TMEM182: variants seen among roughly 807,000 people sequenced by gnomAD.
TMEM182 encodes transmembrane protein 182.
Under a neutral mutation model 26.8 loss-of-function variants are expected in TMEM182, and 20 were observed. The observed-to-expected ratio is 0.75, with a 90% CI of 0.53 to 1.09. The LOEUF is 1.09. TMEM182 is among the 50% of genes least tolerant of loss of function. TMEM182 has a pLI of 0.00. For missense variants in TMEM182, 277 were observed against 275.5 expected (o/e 1.01, Z -0.04); for synonymous variants, 109 against 102.2 (o/e 1.07, Z -0.40).
rs990174384 is a variant in TMEM182 at position 102,829,038 on chromosome 2, G to A, written c.326-14374G>A. On this transcript the variant is annotated intron_variant, in intron 3 of 3. Transcript: ENST00000486293. Reference sequence around the variant, plus strand: ...TTCATTTAAGTGGTTGGAACAGAGCGGAAGTTAGCAAATATTCTGGGTTCC... The same window carrying A: ...TTCATTTAAGTGGTTGGAACAGAGCAGAAGTTAGCAAATATTCTGGGTTCC... Among the ~76,000 whole-genome samples, 13 of 152,298 alleles carry A rather than the reference G, an allele frequency of 8.5e-5. 1 individual carries two copies. Among genetic ancestry groups the A allele is most frequent in the Middle Eastern group, 3.4e-3 (1 of 294 alleles).
At chr2:102,793,738 A>G (rs1378339049) in intron 3 of TMEM182, among the ~76,000 whole-genome samples, 1 of 152,092 alleles carries the variant, frequency 6.6e-6, no homozygotes, top group Non-Finnish European at 1.5e-5. Flanking sequence ...TGTTGTATTG[A>G]CATTTTTTGT....
At chr2:102,820,438 G>A (rs1682896640), downstream of TMEM182, among the ~76,000 whole-genome samples, 1 of 152,160 alleles carries the variant, frequency 6.6e-6, no homozygotes, top group African/African-American at 2.4e-5. Flanking sequence ...GAACAGACAA[G>A]TGAGAAAAAT....
At chr2:102,835,624 T>A (rs918987218) in intron 3 of TMEM182, among the ~76,000 whole-genome samples, 1 of 152,164 alleles carries the variant, frequency 6.6e-6, no homozygotes, top group Admixed American at 6.5e-5. Context: ...ACCCAACCCC[T>A]GAAAACCACG....
chr2:102,832,992 G>A (rs932396240), intron 3 of TMEM182, among the ~76,000 whole-genome samples: 5 of 152,076 alleles, frequency 3.3e-5, no homozygotes, highest in African/African-American at 1.2e-4. Flanking sequence ...AATACATCCC[G>A]GAGCTTAATT....
At chr2:102,740,486 C>T (rs1679511950) in intron 1 of TMEM182, among the ~76,000 whole-genome samples, 1 of 152,162 alleles carries the variant, frequency 6.6e-6, no homozygotes, top group African/African-American at 2.4e-5. Flanking sequence ...TTCCTGAGGC[C>T]TCCTCAGACT....
intron 3 of TMEM182, among the ~76,000 whole-genome samples, chr2:102,783,959 C>A (rs951689377): frequency 6.7e-6 from 1 of 148,378 alleles, no homozygotes; most frequent in African/African-American, 2.4e-5. Context: ...TCTGTCCCAA[C>A]GAGACACTCA....
chr2:102,767,296 T>C (rs1332859625), intron 3 of TMEM182, among the ~76,000 whole-genome samples: 2 of 152,218 alleles, frequency 1.3e-5, no homozygotes, highest in African/African-American at 2.4e-5. Flanking sequence ...ATCTAGTTAT[T>C]TGAATGACTG....
intron 3 of TMEM182, among the ~76,000 whole-genome samples, chr2:102,825,886 T>C (rs549399517): frequency 6.6e-6 from 1 of 152,332 alleles, no homozygotes; most frequent in African/African-American, 2.4e-5. Context: ...GGAGGTGAAC[T>C]TCCAGGTGTT....
At position 102,762,318 on chromosome 2, in the gene TMEM182, C is replaced by T; in HGVS notation, c.101C>T (p.Thr34Ile). 6.2e-7 allele frequency: 1 copy of T among 1,613,870 alleles called. No homozygotes were observed. The highest frequency in any genetic ancestry group is 1.1e-5 in the South Asian group (1 of 91,080). ...GGATCGGATTATTGGCTTCTTGCAACTGAAGTGGGGAGATGTTCAGGTGAA... is the reference window on the plus strand; with the variant it reads ...GGATCGGATTATTGGCTTCTTGCAATTGAAGTGGGGAGATGTTCAGGTGAA... ...AFGSDYWLLA[T>I]EVGRCSGEKN... Residue 34 changes from threonine to isoleucine, a missense_variant, in exon 1 of 5, where the codon ACT becomes ATT. Coordinates refer to ENST00000412401, the MANE Select transcript of TMEM182 (RefSeq NM_144632.5).
chr2:102,838,051 G>A (rs567868504), intron 3 of TMEM182, among the ~76,000 whole-genome samples: 4 of 152,290 alleles, frequency 2.6e-5, no homozygotes, highest in Non-Finnish European at 2.9e-5. Flanking sequence ...ACCCTACCCC[G>A]GAAGCTGGCC....
chr2:102,826,584 A>T (rs1342662320), intron 3 of TMEM182, among the ~76,000 whole-genome samples: 2 of 152,156 alleles, frequency 1.3e-5, no homozygotes, highest in African/African-American at 4.8e-5. Context: ...TATTACTATT[A>T]TTATTATTCT....
intron 4 of TMEM182, among the ~76,000 whole-genome samples, chr2:102,805,767 G>A (rs569595544): frequency 1.2e-4 from 18 of 152,232 alleles, no homozygotes; most frequent in African/African-American, 4.1e-4. Context: ...TCTCTGAACC[G>A]AGTGTGGTGG....
chr2:102,843,166 G>A (rs1177171429), intron 3 of TMEM182, among the ~76,000 whole-genome samples: 1 of 152,096 alleles, frequency 6.6e-6, no homozygotes, highest in Non-Finnish European at 1.5e-5. Context: ...GCTGAGATCC[G>A]CCATGTCAGG....
chr2:102,814,691 C>A (rs191874739), intron 4 of TMEM182, 57 bp from the exon 5 acceptor site: 4 of 1,485,556 alleles, frequency 2.7e-6, no homozygotes, highest in Non-Finnish European at 3.7e-6. Flanking sequence ...GTTTAGATAG[C>A]GTTCTTGAGA....
In TMEM182 at chr2:102,770,897, A is replaced by T. The variant is rs1680644662; in HGVS notation, c.331+6470A>T. On this transcript the variant is annotated intron_variant, in intron 3 of 4. Coordinates refer to ENST00000412401, the MANE Select transcript of TMEM182 (RefSeq NM_144632.5). Reference sequence around the variant, plus strand: ...TGGCAGTTTGAAACAGCACAGGAAGAATTAAGATTTGAGTCTAGAGTTTAT... The same window carrying T: ...TGGCAGTTTGAAACAGCACAGGAAGTATTAAGATTTGAGTCTAGAGTTTAT... Among the ~76,000 whole-genome samples the T allele has an allele frequency of 2.0e-5, 3 of 152,228 alleles. No homozygotes were observed. In the South Asian group the frequency reaches 6.2e-4, roughly 32 times the overall value.
chr2:102,795,872 C>A (rs999976621), intron 3 of TMEM182, among the ~76,000 whole-genome samples: 1 of 152,128 alleles, frequency 6.6e-6, no homozygotes, highest in Non-Finnish European at 1.5e-5. Context: ...TGACACATAG[C>A]AAGCAGCAAG....
In TMEM182 at chr2:102,815,645, C is replaced by T; in HGVS notation, c.*677C>T. On this transcript the variant is annotated 3_prime_UTR_variant, in exon 5 of 5. Transcript: ENST00000412401. ...AACTTTAAACTACATTTAAAACTAG[C>T]AAATCTGCATACCAAATTATGTATA... 2.0e-6 allele frequency: 2 copies of T among 985,270 alleles called. No homozygotes were observed. Among genetic ancestry groups the T allele is most frequent in the Non-Finnish European group, 2.4e-6 (2 of 829,770 alleles). 61.0% of individuals were successfully genotyped at this position (985,270 alleles called of 1,614,324 possible). A position where few individuals can be genotyped will look rare whatever the true frequency, so the allele number is the denominator to read the frequency against.
intron 3 of TMEM182, among the ~76,000 whole-genome samples, chr2:102,837,945 G>A (rs1200222005): frequency 6.6e-6 from 1 of 152,166 alleles, no homozygotes; most frequent in Non-Finnish European, 1.5e-5. Context: ...GCCCCTTGTT[G>A]AAAAATTACT....
upstream of TMEM182, among the ~76,000 whole-genome samples, chr2:102,761,353 G>A (rs963244104): frequency 1.2e-4 from 18 of 152,288 alleles, no homozygotes; most frequent in African/African-American, 4.3e-4. Flanking sequence ...CTTAATTCAG[G>A]AAATAATACA....
Sources: allele counts gnomAD v4.1 joint callset (sites outside exome capture counted in the v4.1 genomes callset), GRCh38; gene constraint gnomAD v4.1.1; transcripts MANE v1.5; gene names NCBI Gene and HGNC (gene_info 2026-07-23, HGNC 2026-07-21).